SLC8A1: variants seen among roughly 807,000 people sequenced by gnomAD.
The protein encoded by SLC8A1 is solute carrier family 8 member A1.
A neutral mutation model predicts 68.3 loss-of-function variants in SLC8A1; 18 were observed. The observed-to-expected ratio is 0.26, with a 90% CI of 0.18 to 0.39. The LOEUF (loss-of-function observed/expected upper bound fraction) is 0.39, where lower values mean the gene tolerates loss of function less well. Ranked by LOEUF, SLC8A1 falls within the 10% of genes least tolerant of loss-of-function variation. SLC8A1 has a pLI of 1.00. For synonymous variants in SLC8A1, 475 were observed against 415.5 expected (o/e 1.14, Z -1.74); for missense variants, 985 against 1,156.7 (o/e 0.85, Z 2.15).
chr2:40,164,632 C>T (rs2046245991), intron 5 of SLC8A1, among the ~76,000 whole-genome samples: 1 of 152,130 alleles, frequency 6.6e-6, no homozygotes, highest in Non-Finnish European at 1.5e-5. Context: ...TAGATGTCTC[C>T]TGCTGGGCCC....
chr2:40,410,343 A>G (rs1388179185), intron 2 of SLC8A1, among the ~76,000 whole-genome samples: 3 of 152,132 alleles, frequency 2.0e-5, no homozygotes, highest in Admixed American at 2.0e-4. Context: ...ATCCAGCGCT[A>G]GGGATCACAT....
intron 2 of SLC8A1, among the ~76,000 whole-genome samples, chr2:40,336,529 C>G (rs1417841017): frequency 6.6e-6 from 1 of 152,118 alleles, no homozygotes; most frequent in Non-Finnish European, 1.5e-5. Flanking sequence ...AACCATAAGG[C>G]TCTTTTCTGA....
In SLC8A1 at chr2:40,387,122, A is replaced by G. The variant is rs924156559; in HGVS notation, c.1808+41351T>C. On this transcript the variant is annotated intron_variant, in intron 2 of 7. Transcript: ENST00000406785. ...TATGTTCCAAAGGCTGACCTCACAGAGCATTGGACCTCAGAATTCAACCTC... is the reference window on the plus strand; with the variant it reads ...TATGTTCCAAAGGCTGACCTCACAGGGCATTGGACCTCAGAATTCAACCTC... Among the ~76,000 whole-genome samples, 3 of 151,560 alleles carry G rather than the reference A, an allele frequency of 2.0e-5. 1 individual carries two copies. The highest frequency in any genetic ancestry group is 1.3e-4 in the Admixed American group (2 of 15,274).
At chr2:40,309,758 C>A (rs567097997) in intron 2 of SLC8A1, among the ~76,000 whole-genome samples, 1 of 152,234 alleles carries the variant, frequency 6.6e-6, no homozygotes, top group South Asian at 2.1e-4. Context: ...CCCGCCTTGG[C>A]CTCCCAAAGT....
intron 2 of SLC8A1, chr2:40,223,816 T>C (rs575035147): frequency 6.6e-6 from 1 of 152,258 alleles, no homozygotes; most frequent in Non-Finnish European, 1.5e-5. Flanking sequence ...TTTTTTTTAA[T>C]CACAAGAACT....
At position 40,285,825 on chromosome 2, in the gene SLC8A1, T is replaced by TA. The variant is rs574653826; in HGVS notation, c.1809-107971dup. ...TGAAAATCACACTGGTCCCTGTGCA[T>TA]AAAAAATATATATTATAGATAGAAC... On this transcript the variant is annotated intron_variant, in intron 2 of 7. Transcript: ENST00000406785. 4.3e-3 allele frequency among the ~76,000 whole-genome samples: 651 copies of TA among 152,290 alleles called. 2 individuals carry two copies. The highest frequency in any genetic ancestry group is 7.0e-3 in the Non-Finnish European group (479 of 68,016).
chr2:40,404,666 C>T (rs184559378), intron 2 of SLC8A1, among the ~76,000 whole-genome samples: 49 of 152,250 alleles, frequency 3.2e-4, no homozygotes, highest in African/African-American at 1.1e-3. Context: ...TGCCATTTCT[C>T]GCATTTTCAT....
chr2:40,117,742 A>T (rs892020629), intron 7 of SLC8A1, among the ~76,000 whole-genome samples: 1 of 152,112 alleles, frequency 6.6e-6, no homozygotes, highest in Non-Finnish European at 1.5e-5. Context: ...GCATGCTCTG[A>T]GCATGTATGT....
chr2:40,327,229 C>T (rs747908504), intron 2 of SLC8A1, among the ~76,000 whole-genome samples: 15 of 152,258 alleles, frequency 9.9e-5, no homozygotes, highest in Non-Finnish European at 1.5e-4. Context: ...TGATAGTCTT[C>T]ATAGTTTTTA....
chr2:40,458,544 C>T (rs558845304), intron 1 of SLC8A1, among the ~76,000 whole-genome samples: 2 of 152,228 alleles, frequency 1.3e-5, no homozygotes, highest in Admixed American at 6.5e-5. Flanking sequence ...TAGCAATCAT[C>T]TCTTTGTGGC....
chr2:40,414,664 T>C (rs928525741), intron 2 of SLC8A1, among the ~76,000 whole-genome samples: 2 of 152,174 alleles, frequency 1.3e-5, no homozygotes, highest in Admixed American at 6.6e-5. Context: ...TGGAGGTTTA[T>C]TCATTGCTTA....
At chr2:40,359,630 T>C (rs1047647514) in intron 2 of SLC8A1, among the ~76,000 whole-genome samples, 8 of 152,026 alleles carry the variant, frequency 5.3e-5, no homozygotes, top group Non-Finnish European at 8.8e-5. Context: ...ATTTGAGAGA[T>C]ATTTAGGAAG....
chr2:40,264,113 T>C (rs915527388), intron 2 of SLC8A1, among the ~76,000 whole-genome samples: 9 of 152,206 alleles, frequency 5.9e-5, no homozygotes, highest in Admixed American at 2.0e-4. Context: ...TCATCATCAC[T>C]GGCCATCAGA....
intron 2 of SLC8A1, among the ~76,000 whole-genome samples, chr2:40,426,331 A>C (rs1453924806): frequency 2.0e-5 from 3 of 152,022 alleles, no homozygotes; most frequent in Non-Finnish European, 4.4e-5. Flanking sequence ...GGCATGAATT[A>C]TTAGCCAATT....
At chr2:40,494,527 G>A (rs1705544934) in intron 1 of SLC8A1, among the ~76,000 whole-genome samples, 1 of 151,208 alleles carries the variant, frequency 6.6e-6, no homozygotes, top group African/African-American at 2.4e-5. Flanking sequence ...CCAGTAATGG[G>A]ATGGCTGGTT....
At chr2:40,419,944 T>A (rs1301759318) in intron 2 of SLC8A1, among the ~76,000 whole-genome samples, 2 of 152,122 alleles carry the variant, frequency 1.3e-5, no homozygotes, top group Non-Finnish European at 2.9e-5. Flanking sequence ...AGGTAAAAAA[T>A]TTAATAAAAC....
chr2:40,455,210 G>A (rs1439487190), upstream of SLC8A1, among the ~76,000 whole-genome samples: 1 of 152,150 alleles, frequency 6.6e-6, no homozygotes, highest in Admixed American at 6.5e-5. Context: ...TGTAAATATT[G>A]TGAATTAGGC....
At chr2:40,199,247 A>G (rs916038319) in intron 2 of SLC8A1, among the ~76,000 whole-genome samples, 2 of 151,808 alleles carry the variant, frequency 1.3e-5, no homozygotes, top group African/African-American at 4.8e-5. Flanking sequence ...ACTCAGATCT[A>G]TCATAGTGGT....
At chr2:40,448,560 G>C (rs1055413650) in intron 1 of SLC8A1, among the ~76,000 whole-genome samples, 1 of 152,192 alleles carries the variant, frequency 6.6e-6, no homozygotes, top group African/African-American at 2.4e-5. Context: ...CACTGGTTTT[G>C]TTAGCCACCT....
Sources: allele counts gnomAD v4.1 joint callset (sites outside exome capture counted in the v4.1 genomes callset), GRCh38; gene constraint gnomAD v4.1.1; transcripts MANE v1.5; gene names NCBI Gene and HGNC (gene_info 2026-07-23, HGNC 2026-07-21).